Variants in ATP6V1H observed in about 807,000 individuals in gnomAD.
The protein encoded by ATP6V1H is ATPase H+ transporting V1 subunit H.
A neutral mutation model predicts 71.7 loss-of-function variants in ATP6V1H; 39 were observed. The observed-to-expected ratio is 0.54, with a 90% confidence interval of 0.42 to 0.71. The LOEUF is 0.71. ATP6V1H is among the 30% of genes least tolerant of loss of function. ATP6V1H has a pLI of 0.00. For synonymous variants in ATP6V1H, 192 were observed against 199.3 expected (o/e 0.96, Z 0.31); for missense variants, 509 against 594.9 (o/e 0.86, Z 1.50).
chr8:53,790,132 T>G (rs1161392992), intron 9 of ATP6V1H, among the ~76,000 whole-genome samples: 2 of 152,248 alleles, frequency 1.3e-5, no homozygotes, highest in African/African-American at 4.8e-5. Context: ...AGTCTTGCTT[T>G]CTGTTATATG....
At chr8:53,737,800 G>A (rs1361365034) in intron 13 of ATP6V1H, among the ~76,000 whole-genome samples, 1 of 152,084 alleles carries the variant, frequency 6.6e-6, no homozygotes, top group Non-Finnish European at 1.5e-5. Context: ...AAATTTAAAT[G>A]GAATAAAAAT....
chr8:53,750,851 G>A (rs1220886643), intron 12 of ATP6V1H, among the ~76,000 whole-genome samples: 1 of 152,060 alleles, frequency 6.6e-6, no homozygotes, highest in East Asian at 1.9e-4. Flanking sequence ...GCTATTGCTT[G>A]AAGTAGCAGA....
chr8:53,837,820 C>A (rs2130542327), intron 2 of ATP6V1H, among the ~76,000 whole-genome samples: 1 of 152,286 alleles, frequency 6.6e-6, no homozygotes, highest in Non-Finnish European at 1.5e-5. Context: ...GCAAGGGGAA[C>A]ACAACATGCA....
At chr8:53,793,020 C>A (rs1190994982) in intron 9 of ATP6V1H, among the ~76,000 whole-genome samples, 1 of 152,068 alleles carries the variant, frequency 6.6e-6, no homozygotes, top group Non-Finnish European at 1.5e-5. Flanking sequence ...ACAGAATAAG[C>A]TCTCAATAGA....
intron 13 of ATP6V1H, among the ~76,000 whole-genome samples, chr8:53,729,293 G>A (rs1470716308): frequency 2.0e-5 from 3 of 152,152 alleles, no homozygotes; most frequent in African/African-American, 4.8e-5. Context: ...AAGAAAATAT[G>A]AAACAGGTTC....
chr8:53,823,309 C>G (rs1810720649), intron 4 of ATP6V1H, among the ~76,000 whole-genome samples: 1 of 152,012 alleles, frequency 6.6e-6, no homozygotes, highest in Admixed American at 6.6e-5. Flanking sequence ...AAATCTATAA[C>G]AAAATGTTTT....
Position 53,795,653 on chromosome 8 carries a change from T to C in ATP6V1H, c.864A>G (p.Ala288=), listed in dbSNP as rs1279987246. 6.2e-7 allele frequency: 1 copy of C among 1,612,866 alleles called. No homozygotes were observed. Among genetic ancestry groups the C allele is most frequent in the Admixed American group, 1.7e-5 (1 of 59,580 alleles). Residue 288 remains alanine, a synonymous_variant, in exon 9 of 14, where the codon GCA becomes GCG. Transcript: ENST00000359530. Reference sequence around the variant, plus strand: ...ACCAACATAAAACACTTACACGAAATGCTGCAAGAATGATTCTTGTTACTT... The same window carrying C: ...ACCAACATAAAACACTTACACGAAACGCTGCAAGAATGATTCTTGTTACTT... The part of the protein sequence containing the change: ...KEKVTRIILA[A]FRNFLEKSTE...
intron 13 of ATP6V1H, among the ~76,000 whole-genome samples, chr8:53,717,133 G>A (rs576566378): frequency 2.0e-5 from 3 of 152,302 alleles, no homozygotes; most frequent in East Asian, 1.9e-4. Context: ...GGGGGCCACC[G>A]ATGTACACAG....
Position 53,841,644 on chromosome 8 carries a change from G to C in ATP6V1H, c.47C>G (p.Thr16Ser). The change falls in exon 2 of 14, where the codon ACC (threonine) becomes AGC (serine). Residue 16 changes from threonine to serine, a missense_variant. By Grantham distance (58) the Thr-to-Ser change is moderately conservative (BLOSUM62 1). Transcript: ENST00000359530. The stretch of plus-strand genomic sequence containing the variant: ...TGCAGCCTTGGCAGCAATAATATTG[G>C]TGGGGACAGCAGCATCCACAGCACC... ...IRGAVDAAVP[T>S]NIIAAKAAEV... 6.2e-7 allele frequency: 1 copy of C among 1,614,118 alleles called. No homozygotes were observed. The highest frequency in any genetic ancestry group is 8.5e-7 in the Non-Finnish European group (1 of 1,179,962).
intron 9 of ATP6V1H, among the ~76,000 whole-genome samples, chr8:53,773,485 C>G (rs1808748781): frequency 1.3e-5 from 2 of 152,136 alleles, no homozygotes. Flanking sequence ...TACTCACATA[C>G]AGTAGGGAAG....
At chr8:53,728,173 G>A (rs550997949) in intron 13 of ATP6V1H, among the ~76,000 whole-genome samples, 35 of 152,114 alleles carry the variant, frequency 2.3e-4, no homozygotes, top group East Asian at 1.9e-3. Flanking sequence ...CCATTATTCC[G>A]GGAAAATGTC....
At chr8:53,811,247 G>C in intron 6 of ATP6V1H, 30 bp from the exon 7 acceptor site, 1 of 1,596,298 alleles carries the variant, frequency 6.3e-7, no homozygotes, top group Non-Finnish European at 8.6e-7. Flanking sequence ...TCATTATTTA[G>C]TTTTGTTTTG....
At chr8:53,804,789 A>G (rs1384900557) in intron 7 of ATP6V1H, among the ~76,000 whole-genome samples, 1 of 152,240 alleles carries the variant, frequency 6.6e-6, no homozygotes, top group Non-Finnish European at 1.5e-5. Flanking sequence ...ACTTGCTACA[A>G]CATGCACTTT....
chr8:53,776,327 A>G (rs1204296657), intron 9 of ATP6V1H, among the ~76,000 whole-genome samples: 2 of 152,170 alleles, frequency 1.3e-5, no homozygotes, highest in Non-Finnish European at 2.9e-5. Flanking sequence ...GGCCTTGGCC[A>G]GCCGAGAAAG....
At chr8:53,722,855 A>T (rs1267968309) in intron 13 of ATP6V1H, among the ~76,000 whole-genome samples, 1 of 152,248 alleles carries the variant, frequency 6.6e-6, no homozygotes, top group Non-Finnish European at 1.5e-5. Flanking sequence ...TTTTCATTAG[A>T]ATCTGCGTAT....
At chr8:53,748,732 T>C (rs1047231538) in intron 12 of ATP6V1H, among the ~76,000 whole-genome samples, 1 of 152,254 alleles carries the variant, frequency 6.6e-6, no homozygotes, top group Non-Finnish European at 1.5e-5. Flanking sequence ...TTTTATCTCA[T>C]ACTTTGTAGT....
intron 9 of ATP6V1H, among the ~76,000 whole-genome samples, chr8:53,772,552 A>G (rs1317468402): frequency 2.0e-5 from 3 of 152,014 alleles, no homozygotes; most frequent in Non-Finnish European, 4.4e-5. Context: ...CAAGTTTGCA[A>G]TCAAGCCAAG....
chr8:53,838,674 C>G (rs1220349641), intron 2 of ATP6V1H, among the ~76,000 whole-genome samples: 13 of 152,098 alleles, frequency 8.5e-5, no homozygotes, highest in Admixed American at 7.9e-4. Flanking sequence ...TTACCAGATT[C>G]CAGTTTGACT....
At chr8:53,723,499 G>C (rs969785850) in intron 13 of ATP6V1H, among the ~76,000 whole-genome samples, 3 of 152,110 alleles carry the variant, frequency 2.0e-5, no homozygotes, top group Non-Finnish European at 4.4e-5. Context: ...TTTACCCCTC[G>C]GTGGTTTTCC....
Sources: allele counts gnomAD v4.1 joint callset (sites outside exome capture counted in the v4.1 genomes callset), GRCh38; gene constraint gnomAD v4.1.1; transcripts MANE v1.5; gene names NCBI Gene and HGNC (gene_info 2026-07-23, HGNC 2026-07-21).